The following ATF7IP2 variants were observed in gnomAD, a reference collection of about 807,000 sequenced individuals.
The protein encoded by ATF7IP2 is activating transcription factor 7 interacting protein 2, also known as activating transcription factor 7-interacting protein 2.
A neutral mutation model predicts 64.2 loss-of-function variants in ATF7IP2; 42 were observed. The observed-to-expected ratio is 0.65, with a 90% CI of 0.51 to 0.85. The LOEUF is 0.85. ATF7IP2 is among the 40% of genes least tolerant of loss of function. The pLI is 0.00. For missense variants in ATF7IP2, 933 were observed against 784.2 expected (o/e 1.19, Z -2.27); for synonymous variants, 308 against 272.8 (o/e 1.13, Z -1.27).
At chr16:10,459,392 T>G (rs547533126) in intron 9 of ATF7IP2, among the ~76,000 whole-genome samples, 6 of 149,398 alleles carry the variant, frequency 4.0e-5, no homozygotes, top group Non-Finnish European at 8.9e-5. Flanking sequence ...GGCTTGAACC[T>G]GGGAGGCGGA....
intron 8 of ATF7IP2, among the ~76,000 whole-genome samples, chr16:10,441,094 G>A (rs1187023380): frequency 6.6e-6 from 1 of 151,862 alleles, no homozygotes; most frequent in African/African-American, 2.4e-5. Context: ...TCCTTTTTTT[G>A]GCTGCATAGT....
At chr16:10,386,817 A>T (rs1192817597) in intron 1 of ATF7IP2, 1 of 151,502 alleles carries the variant, frequency 6.6e-6, no homozygotes, top group Non-Finnish European at 1.5e-5. Flanking sequence ...GTTTTCTCCA[A>T]GTTTGGCAAG....
intron 2 of ATF7IP2, among the ~76,000 whole-genome samples, chr16:10,415,401 G>A (rs921138043): frequency 6.6e-6 from 1 of 152,184 alleles, no homozygotes; most frequent in African/African-American, 2.4e-5. Flanking sequence ...TCAATAAATG[G>A]TGCTGGGAAA....
chr16:10,475,722 G>GAAAAAAAAAAAAAAAAAAAAAAACAA (rs386384218), intron 12 of ATF7IP2, among the ~76,000 whole-genome samples: 2 of 41,644 alleles, frequency 4.8e-5, no homozygotes, highest in African/African-American at 1.2e-4. Context: ...TAAGAAGCCA[G>GAAAAAAAAAAAAAAAAAAAAAAACAA]AAAAAAAAAA....
intron 9 of ATF7IP2, among the ~76,000 whole-genome samples, chr16:10,460,496 A>C (rs779946728): frequency 2.0e-4 from 31 of 152,194 alleles, no homozygotes; most frequent in Non-Finnish European, 3.8e-4. Flanking sequence ...ATAGCATGAG[A>C]TTGGCATGCG....
At chr16:10,406,553 A>G (rs1158398078) in intron 1 of ATF7IP2, among the ~76,000 whole-genome samples, 1 of 152,252 alleles carries the variant, frequency 6.6e-6, no homozygotes, top group Non-Finnish European at 1.5e-5. Flanking sequence ...GTTTTTTTAA[A>G]TATAAAGCAA....
intron 1 of ATF7IP2, among the ~76,000 whole-genome samples, chr16:10,413,890 G>A (rs759647966): frequency 3.9e-5 from 6 of 152,278 alleles, no homozygotes; most frequent in South Asian, 2.1e-4. Context: ...AGGGTTTGCC[G>A]AGAAATCTGC....
intron 1 of ATF7IP2, among the ~76,000 whole-genome samples, chr16:10,401,961 T>G (rs1475871711): frequency 6.6e-6 from 1 of 152,106 alleles, no homozygotes; most frequent in Non-Finnish European, 1.5e-5. Context: ...TAAGGTGTCC[T>G]TCTTAATTTC....
At chr16:10,393,303 G>C (rs1178890652) in intron 1 of ATF7IP2, among the ~76,000 whole-genome samples, 1 of 114,174 alleles carries the variant, frequency 8.8e-6, no homozygotes, top group East Asian at 2.8e-4. Flanking sequence ...GTGACAGAGT[G>C]AGACTCTGTC....
rs143125090 is a variant in ATF7IP2 at position 10,422,367 on chromosome 16, C to G, written c.-160+2744C>G. On this transcript the variant is annotated intron_variant, in intron 3 of 13. Coordinates refer to ENST00000562102, the MANE Select transcript of ATF7IP2 (RefSeq NM_001393719.1). Reference sequence around the variant, plus strand: ...TTTTTTCCTAGCCCCATACCAGGGACATACCCCGTTTCATGCATCATATGT... The same window carrying G: ...TTTTTTCCTAGCCCCATACCAGGGAGATACCCCGTTTCATGCATCATATGT... Among the ~76,000 whole-genome samples, 127 of 152,248 alleles carry G rather than the reference C, an allele frequency of 8.3e-4. 1 individual carries two copies. The Middle Eastern group carries it at 0.017, about 20-fold the overall frequency.
At chr16:10,475,870 C>A (rs931219720) in intron 12 of ATF7IP2, among the ~76,000 whole-genome samples, 2 of 151,698 alleles carry the variant, frequency 1.3e-5, no homozygotes, top group East Asian at 3.9e-4. Context: ...GACTGGAGAA[C>A]AATACAAGTC....
chr16:10,435,343 T>G (rs1424379157), intron 6 of ATF7IP2, among the ~76,000 whole-genome samples: 3 of 152,200 alleles, frequency 2.0e-5, no homozygotes, highest in African/African-American at 7.2e-5. Context: ...CTTTACAGTC[T>G]TAAGTTATTC....
At position 10,482,254 on chromosome 16, in the gene ATF7IP2, T is replaced by C. The variant is rs1353498218; in HGVS notation, c.*5T>C. On this transcript the variant is annotated 3_prime_UTR_variant, in exon 14 of 14. Transcript: ENST00000562102. ...TTTTCTGAAAATCTTACGTAAAAGG[T>C]GTTTAATAATGATATACTACTTTTT... 9.1e-6 allele frequency: 14 copies of C among 1,546,348 alleles called. No homozygotes were observed. Among genetic ancestry groups the C allele is most frequent in the Non-Finnish European group, 1.2e-5 (14 of 1,141,244 alleles).
intron 2 of ATF7IP2, among the ~76,000 whole-genome samples, chr16:10,416,719 C>A: frequency 6.6e-6 from 1 of 152,136 alleles, no homozygotes; most frequent in East Asian, 1.9e-4. Context: ...ATCACATGAA[C>A]CCAGTAGGCG....
intron 3 of ATF7IP2, 103 bp from the exon 4 acceptor site, chr16:10,428,765 G>T (rs964509103): frequency 6.6e-6 from 1 of 152,166 alleles, no homozygotes; most frequent in East Asian, 1.9e-4. Context: ...GTAGGATTTC[G>T]TTCTCATCAA....
chr16:10,409,036 T>C (rs1596454239), intron 1 of ATF7IP2, among the ~76,000 whole-genome samples: 2 of 152,322 alleles, frequency 1.3e-5, no homozygotes, highest in South Asian at 4.1e-4. Context: ...TCATTCACGA[T>C]CACAAGAGCA....
chr16:10,471,332 A>G (rs1438171001), intron 9 of ATF7IP2, among the ~76,000 whole-genome samples: 16 of 152,226 alleles, frequency 1.1e-4, no homozygotes, highest in Admixed American at 2.0e-4. Flanking sequence ...GTTCAAGACC[A>G]GCCTGACCAA....
intron 12 of ATF7IP2, among the ~76,000 whole-genome samples, chr16:10,479,079 G>A (rs1057293331): frequency 6.6e-6 from 1 of 150,832 alleles, no homozygotes; most frequent in Non-Finnish European, 1.5e-5. Flanking sequence ...CAACCCTTGT[G>A]GAAGTCAGTG....
In ATF7IP2 at chr16:10,415,174, A is replaced by G. The variant is rs76156896; in HGVS notation, c.-203+562A>G. Among the ~76,000 whole-genome samples the G allele has an allele frequency of 9.0e-3, 1,371 of 152,332 alleles. 16 individuals carry two copies. The highest frequency in any genetic ancestry group is 0.017 in the Middle Eastern group (5 of 294). ...CAGAAGACTGAGAATAGCCAACACT[A>G]TTCTGAACAAAAGGAAGAAAACTGA... On this transcript the variant is annotated intron_variant, in intron 2 of 13. Coordinates refer to ENST00000562102, the MANE Select transcript of ATF7IP2 (RefSeq NM_001393719.1).
Sources: allele counts gnomAD v4.1 joint callset (sites outside exome capture counted in the v4.1 genomes callset), GRCh38; gene constraint gnomAD v4.1.1; transcripts MANE v1.5; gene names NCBI Gene and HGNC (gene_info 2026-07-23, HGNC 2026-07-21).